CYB5R4: variants seen among roughly 807,000 people sequenced by gnomAD.
CYB5R4 encodes the protein N-terminal cytochrome b5 and cytochrome b5 oxidoreductase domain-containing protein.
In CYB5R4, 55 loss-of-function variants were observed where a neutral mutation model predicts 70.2. The ratio of observed to expected loss-of-function variants is 0.78; its 90% CI spans 0.63 to 0.98. The LOEUF (loss-of-function observed/expected upper bound fraction) is 0.98, where lower values mean the gene tolerates loss of function less well. CYB5R4 is among the 50% of genes least tolerant of loss of function. CYB5R4 has a pLI of 0.00. For missense variants in CYB5R4, 562 were observed against 612.6 expected, an observed-to-expected ratio of 0.92 and a Z score of 0.87; for synonymous variants, 197 against 199.5, an observed-to-expected ratio of 0.99 and a Z score of 0.11.
chr6:83,892,096 T>A (rs148704980), intron 2 of CYB5R4, among the ~76,000 whole-genome samples: 1 of 152,112 alleles, frequency 6.6e-6, no homozygotes, highest in Non-Finnish European at 1.5e-5. Flanking sequence ...TGGGAAAAAA[T>A]TCTTCTAAAT....
chr6:83,967,310 A>G lies in CYB5R4; in HGVS notation c.*7432A>G, dbSNP rs1424309908. On this transcript the variant is annotated 3_prime_UTR_variant, in exon 16 of 16. Transcript: ENST00000369681. The stretch of plus-strand genomic sequence containing the variant: ...TAAAACAAAATGAGAGTTAAAAAAG[A>G]AAGAGTATAGGTATATGCTAAACTA... 3 of 152,202 alleles carry G rather than the reference A, an allele frequency of 2.0e-5. No homozygotes were observed. Among genetic ancestry groups the G allele is most frequent in the Admixed American group, 2.0e-4 (3 of 15,272 alleles). 9.4% of individuals were successfully genotyped at this position (152,202 alleles called of 1,614,324 possible).
chr6:83,949,627 T>G (rs2099471210), intron 14 of CYB5R4, among the ~76,000 whole-genome samples: 1 of 152,170 alleles, frequency 6.6e-6, no homozygotes, highest in Admixed American at 6.5e-5. Flanking sequence ...ACTCCATCCT[T>G]TGTGGAACAA....
chr6:83,894,922 T>C (rs971878021), intron 3 of CYB5R4, among the ~76,000 whole-genome samples: 3 of 152,120 alleles, frequency 2.0e-5, no homozygotes, highest in African/African-American at 7.2e-5. Context: ...TAAACCCATA[T>C]GTAAATGGAC....
In CYB5R4 at chr6:83,964,934, A is replaced by G. The variant is rs1016009501; in HGVS notation, c.*5056A>G. The stretch of plus-strand genomic sequence containing the variant: ...AGGGTGAAAGCCTTAAGCCTTGGCA[A>G]CTTCCATGTGATGTTGAGCATGTGG... On this transcript the variant is annotated 3_prime_UTR_variant, in exon 16 of 16. Coordinates refer to ENST00000369681, the MANE Select transcript of CYB5R4 (RefSeq NM_016230.4). 6.6e-6 allele frequency: 1 copy of G among 152,252 alleles called. No individual in the cohort carries two copies. The highest frequency in any genetic ancestry group is 2.4e-5 in the African/African-American group (1 of 41,470). The allele number at this position is 152,252 out of a possible 1,614,324, so 9.4% of individuals were successfully genotyped here. A position where few individuals can be genotyped will look rare whatever the true frequency, so the allele number is the denominator to read the frequency against.
At chr6:83,892,966 C>G (rs1234132829) in intron 2 of CYB5R4, among the ~76,000 whole-genome samples, 1 of 152,080 alleles carries the variant, frequency 6.6e-6, no homozygotes, top group Non-Finnish European at 1.5e-5. Flanking sequence ...AGTAGAGGCA[C>G]TGTCTTTTTG....
At chr6:83,915,936 A>G (rs1372710102) in intron 5 of CYB5R4, among the ~76,000 whole-genome samples, 1 of 152,180 alleles carries the variant, frequency 6.6e-6, no homozygotes, top group East Asian at 1.9e-4. Context: ...GGAAGGGAGA[A>G]CATGCATTCA....
At chr6:83,894,774 A>G (rs2099461605) in intron 3 of CYB5R4, among the ~76,000 whole-genome samples, 1 of 144,368 alleles carries the variant, frequency 6.9e-6, no homozygotes, top group Non-Finnish European at 1.5e-5. Context: ...TAAGGAAGAG[A>G]AAATATATTT....
At chr6:83,942,450 CA>C (rs987276008) in intron 14 of CYB5R4, among the ~76,000 whole-genome samples, 1 of 152,228 alleles carries the variant, frequency 6.6e-6, no homozygotes, top group Non-Finnish European at 1.5e-5. Context: ...ACGCTTTTTC[CA>C]CAGTCTTTGC....
intron 5 of CYB5R4, among the ~76,000 whole-genome samples, chr6:83,917,571 T>C (rs911235609): frequency 4.6e-5 from 7 of 152,166 alleles, no homozygotes; most frequent in Non-Finnish European, 8.8e-5. Context: ...TTCAGTAGCA[T>C]GGATAAAATT....
intron 3 of CYB5R4, among the ~76,000 whole-genome samples, chr6:83,899,854 C>T (rs1238757291): frequency 3.9e-5 from 6 of 152,094 alleles, no homozygotes; most frequent in Non-Finnish European, 7.4e-5. Flanking sequence ...ATTCTTCTCT[C>T]TTTTCTTCTT....
At chr6:83,870,566 T>TTGGAAACA (rs1296560494) in intron 2 of CYB5R4, among the ~76,000 whole-genome samples, 1 of 152,000 alleles carries the variant, frequency 6.6e-6, no homozygotes, top group Non-Finnish European at 1.5e-5. Flanking sequence ...GTTTTTCAAA[T>TTGGAAACA]TTGGAACTAA....
intron 3 of CYB5R4, among the ~76,000 whole-genome samples, chr6:83,908,706 C>T (rs1279410486): frequency 1.3e-5 from 2 of 151,420 alleles, no homozygotes; most frequent in South Asian, 4.2e-4. Context: ...GAGCAAATGT[C>T]AAAACTGAAA....
chr6:83,859,883 T>C (rs1203342914), intron 1 of CYB5R4, 26 bp downstream of exon 1: 1 of 1,595,556 alleles, frequency 6.3e-7, no homozygotes, highest in Non-Finnish European at 8.5e-7. Context: ...CGTGAGTCTC[T>C]CCCCTCGCTG....
intron 10 of CYB5R4, chr6:83,926,382 A>AAT (rs2099467276): frequency 6.7e-6 from 1 of 148,992 alleles, no homozygotes; most frequent in Non-Finnish European, 1.5e-5. Context: ...TTAGAATGTT[A>AAT]TATTAGTTTG....
chr6:83,859,890 G>C (rs1395010363), intron 1 of CYB5R4, 33 bp downstream of exon 1: 1 of 1,582,668 alleles, frequency 6.3e-7, no homozygotes, highest in African/African-American at 1.3e-5. Flanking sequence ...CTCTCCCCTC[G>C]CTGCGTTTCG....
rs2099473564 is a variant in CYB5R4 at position 83,962,985 on chromosome 6, C to G, written c.*3107C>G. The G allele has an allele frequency of 6.6e-6, 1 of 152,200 alleles. No individual in the cohort carries two copies. The highest frequency in any genetic ancestry group is 1.5e-5 in the Non-Finnish European group (1 of 68,032). 9.4% of individuals were successfully genotyped at this position (152,200 alleles called of 1,614,324 possible). A position where few individuals can be genotyped will look rare whatever the true frequency, so the allele number is the denominator to read the frequency against. On this transcript the variant is annotated 3_prime_UTR_variant, in exon 16 of 16. Transcript: ENST00000369681. ...TGAATTCCCTTTCTGCCATATCTTT[C>G]TTGCCCTAGCAAGAGTTCACTGCTT... is the stretch of plus-strand genomic sequence containing the variant.
At chr6:83,872,533 G>A (rs2099457793) in intron 2 of CYB5R4, among the ~76,000 whole-genome samples, 1 of 152,154 alleles carries the variant, frequency 6.6e-6, no homozygotes, top group Admixed American at 6.5e-5. Context: ...TTAGAGGTGA[G>A]GATTGATGCA....
chr6:83,885,132 A>G (rs2099460054), intron 2 of CYB5R4, among the ~76,000 whole-genome samples: 1 of 152,192 alleles, frequency 6.6e-6, no homozygotes, highest in Non-Finnish European at 1.5e-5. Flanking sequence ...TATAAATAGT[A>G]CCTATGTTTA....
chr6:83,883,083 TAAC>T (rs558359720), intron 2 of CYB5R4, among the ~76,000 whole-genome samples: 218 of 152,156 alleles, frequency 1.4e-3, no homozygotes, highest in African/African-American at 5.0e-3. Context: ...ATACATGAAA[TAAC>T]AAATTTGTTG....
Sources: gnomAD v4.1 joint callset for allele counts (sites outside exome capture counted in the v4.1 genomes callset) on GRCh38, gnomAD v4.1.1 for gene constraint, MANE v1.5 for transcripts, NCBI Gene and HGNC (gene_info 2026-07-23, HGNC 2026-07-21) for gene names.